TGFBR3: variants seen among roughly 807,000 people sequenced by gnomAD.
TGFBR3 encodes the protein transforming growth factor beta receptor type 3.
In TGFBR3, 46 loss-of-function variants were observed where a neutral mutation model predicts 87.9. That is an observed-to-expected ratio of 0.52 (90% CI 0.41 to 0.67). TGFBR3 has a LOEUF of 0.67. TGFBR3 is among the 30% of genes least tolerant of loss of function. The probability of loss-of-function intolerance (pLI) is 0.00; values close to 1 mark genes in which losing one functional copy is unlikely to be tolerated. For missense variants in TGFBR3, 866 were observed against 1,041.9 expected, an observed-to-expected ratio of 0.83 and a Z score of 2.32; for synonymous variants, 381 against 391.6, an observed-to-expected ratio of 0.97 and a Z score of 0.32.
chr1:91,790,084 G>A (rs1675131585), intron 3 of TGFBR3, among the ~76,000 whole-genome samples: 1 of 152,134 alleles, frequency 6.6e-6, no homozygotes. Flanking sequence ...GGGCAGGTGG[G>A]GAGAGACAGA....
intron 12 of TGFBR3, among the ~76,000 whole-genome samples, chr1:91,714,549 G>GAA (rs573911951): frequency 0.022 from 3,254 of 147,626 alleles, 109 homozygotes; most frequent in African/African-American, 0.076. Context: ...AACAAGAATG[G>GAA]AAAAAAAAAA....
chr1:91,826,254 G>A (rs1198333638), intron 2 of TGFBR3, among the ~76,000 whole-genome samples: 7 of 152,072 alleles, frequency 4.6e-5, no homozygotes, highest in South Asian at 2.1e-4. Flanking sequence ...CCGAGGGAAC[G>A]GAGGAAACAC....
At chr1:91,847,767 C>G (rs184519571) in intron 2 of TGFBR3, among the ~76,000 whole-genome samples, 15 of 152,240 alleles carry the variant, frequency 9.9e-5, no homozygotes, top group African/African-American at 3.6e-4. Flanking sequence ...CTTTTATCCA[C>G]TCAGCCCATA....
At chr1:91,893,075 A>G (rs1679481939) in intron 2 of TGFBR3, among the ~76,000 whole-genome samples, 2 of 152,156 alleles carry the variant, frequency 1.3e-5, no homozygotes, top group East Asian at 3.9e-4. Context: ...TTTAAAAATT[A>G]TTGCTGTTAT....
At chr1:91,765,618 T>C (rs1178862486) in intron 3 of TGFBR3, among the ~76,000 whole-genome samples, 1 of 152,008 alleles carries the variant, frequency 6.6e-6, no homozygotes, top group African/African-American at 2.4e-5. Context: ...ATGGGAACCA[T>C]AAAAGGCAAA....
Position 91,753,988 on chromosome 1 carries a change from C to T in TGFBR3, c.384+4625G>A, listed in dbSNP as rs79622333. 4.1e-3 allele frequency among the ~76,000 whole-genome samples: 625 copies of T among 152,274 alleles called. 22 individuals are homozygous for T. In the East Asian group the frequency reaches 0.096, roughly 23 times the overall value. On this transcript the variant is annotated intron_variant, in intron 4 of 16. Coordinates refer to ENST00000212355, the MANE Select transcript of TGFBR3 (RefSeq NM_003243.5). ...TTTACATTCCCACCAGCAATGTATGCGTGTTCCAATTTCCCTACAGCTTTC... is the reference window on the plus strand; with the variant it reads ...TTTACATTCCCACCAGCAATGTATGTGTGTTCCAATTTCCCTACAGCTTTC...
At chr1:91,845,173 C>T (rs550856148) in intron 2 of TGFBR3, among the ~76,000 whole-genome samples, 6 of 152,136 alleles carry the variant, frequency 3.9e-5, no homozygotes, top group Non-Finnish European at 5.9e-5. Flanking sequence ...GACAACATCA[C>T]GAAATGTTTC....
At chr1:91,699,208 A>C (rs191980480) in intron 14 of TGFBR3, among the ~76,000 whole-genome samples, 2 of 152,018 alleles carry the variant, frequency 1.3e-5, no homozygotes, top group African/African-American at 4.8e-5. Context: ...CAAATTCTCT[A>C]TGCTGCTCTT....
At chr1:91,836,641 T>A (rs1677079278) in intron 2 of TGFBR3, among the ~76,000 whole-genome samples, 1 of 152,026 alleles carries the variant, frequency 6.6e-6, no homozygotes, top group Non-Finnish European at 1.5e-5. Flanking sequence ...GAAACTTTTT[T>A]ATATATAATT....
At position 91,826,250 on chromosome 1, in the gene TGFBR3, G is replaced by A. The variant is rs140346830; in HGVS notation, c.62-28779C>T. On this transcript the variant is annotated intron_variant, in intron 2 of 16. Transcript: ENST00000212355. The stretch of plus-strand genomic sequence containing the variant: ...AGGGTCCCCTAGAAGGCTGCCGAGG[G>A]AACGGAGGAAACACAAACAAGGGCC... Among the ~76,000 whole-genome samples, 1,129 of 152,158 alleles carry A rather than the reference G, an allele frequency of 7.4e-3. 16 individuals are homozygous for A. The highest frequency in any genetic ancestry group is 0.026 in the African/African-American group (1,066 of 41,504).
At chr1:91,812,239 T>C (rs1180880178) in intron 2 of TGFBR3, among the ~76,000 whole-genome samples, 1 of 152,210 alleles carries the variant, frequency 6.6e-6, no homozygotes, top group African/African-American at 2.4e-5. Flanking sequence ...GTATTTCATA[T>C]TCCTTTCTTC....
At chr1:91,760,002 T>G (rs185497785) in intron 3 of TGFBR3, among the ~76,000 whole-genome samples, 3 of 152,364 alleles carry the variant, frequency 2.0e-5, no homozygotes, top group Admixed American at 2.0e-4. Context: ...TATCATAGTA[T>G]GCTCTCAGGT....
chr1:91,846,768 CAA>C (rs1051426023), intron 2 of TGFBR3, among the ~76,000 whole-genome samples: 44 of 152,204 alleles, frequency 2.9e-4, no homozygotes, highest in South Asian at 1.5e-3. Context: ...TTCTTCCAAT[CAA>C]AGAGTCCTTG....
At chr1:91,684,233 A>G (rs1016361317) in intron 16 of TGFBR3, among the ~76,000 whole-genome samples, 1 of 152,252 alleles carries the variant, frequency 6.6e-6, no homozygotes, top group Non-Finnish European at 1.5e-5. Context: ...AACACTGTCC[A>G]TCTTCTCTCA....
chr1:91,735,388 C>T (rs575055372), intron 4 of TGFBR3, among the ~76,000 whole-genome samples: 6 of 152,192 alleles, frequency 3.9e-5, no homozygotes, highest in African/African-American at 1.2e-4. Flanking sequence ...CAACTGATCA[C>T]GACTTTCAGG....
At chr1:91,704,172 A>G (rs184025659) in intron 14 of TGFBR3, among the ~76,000 whole-genome samples, 77 of 152,192 alleles carry the variant, frequency 5.1e-4, no homozygotes, top group Middle Eastern at 6.8e-3. Context: ...TACTAAAAAT[A>G]CAAGAATTAG....
intron 3 of TGFBR3, among the ~76,000 whole-genome samples, chr1:91,760,760 C>T (rs974435084): frequency 6.6e-6 from 1 of 152,164 alleles, no homozygotes; most frequent in African/African-American, 2.4e-5. Context: ...GTTGTAAAGA[C>T]TCTACCTCAC....
chr1:91,904,493 T>C (rs1679801505), intron 1 of TGFBR3, among the ~76,000 whole-genome samples: 2 of 150,878 alleles, frequency 1.3e-5, no homozygotes, highest in African/African-American at 4.9e-5. Flanking sequence ...GCCTCCCGGG[T>C]TCAAGCAATT....
In TGFBR3 at chr1:91,727,678, T is replaced by A. The variant is rs1236208215; in HGVS notation, c.866A>T (p.Lys289Met). 9.3e-6 allele frequency: 15 copies of A among 1,614,040 alleles called. No homozygotes were observed. The highest frequency in any genetic ancestry group is 1.2e-5 in the Non-Finnish European group (14 of 1,180,016). The stretch of plus-strand genomic sequence containing the variant: ...ACTTACAATAATTTTCAGGCTTCCC[T>A]TAACATCAAAAGATTTGATCACCCA... ...VNWVIKSFDV[K>M]GSLKIIAPNS... is the part of the protein sequence containing the mutation. The change falls in exon 7 of 17, where the codon AAG becomes ATG. Residue 289 changes from lysine (K) to methionine (M), a missense_variant. Coordinates refer to ENST00000212355, the MANE Select transcript of TGFBR3 (RefSeq NM_003243.5).
Sources: allele counts gnomAD v4.1 joint callset (sites outside exome capture counted in the v4.1 genomes callset), GRCh38; gene constraint gnomAD v4.1.1; transcripts MANE v1.5; gene names NCBI Gene and HGNC (gene_info 2026-07-23, HGNC 2026-07-21).